Variants in XRCC6 observed in about 807,000 individuals in gnomAD.
XRCC6 encodes the protein X-ray repair cross complementing 6.
A neutral mutation model predicts 65.7 loss-of-function variants in XRCC6; 5 were observed. The observed-to-expected ratio is 0.08, with a 90% CI of 0.04 to 0.16. The LOEUF (loss-of-function observed/expected upper bound fraction) is 0.16, where lower values mean the gene tolerates loss of function less well. XRCC6 is among the 10% of genes least tolerant of loss of function. The pLI is 1.00. For missense variants in XRCC6, 447 were observed against 738.1 expected (o/e 0.61, Z 4.57); for synonymous variants, 270 against 270.6 (o/e 1.00, Z 0.02).
intron 3 of XRCC6, among the ~76,000 whole-genome samples, chr22:41,634,998 T>C (rs1010159433): frequency 5.3e-5 from 8 of 152,224 alleles, no homozygotes; most frequent in African/African-American, 1.9e-4. Flanking sequence ...TATTGACTTA[T>C]TTTCAGGTCA....
chr22:41,626,419 G>T (rs756240446), intron 2 of XRCC6, among the ~76,000 whole-genome samples: 22 of 152,154 alleles, frequency 1.4e-4, no homozygotes, highest in Non-Finnish European at 2.8e-4. Flanking sequence ...GGGATTACAG[G>T]CGTGAGCCAC....
intron 2 of XRCC6, among the ~76,000 whole-genome samples, chr22:41,625,869 GA>G (rs1418075339): frequency 6.6e-6 from 1 of 152,130 alleles, no homozygotes; most frequent in African/African-American, 2.4e-5. Context: ...ATTTGAGATG[GA>G]ATCTCTGTCG....
rs1555906700 is a variant in XRCC6 at position 41,649,139 on chromosome 22, AATATATATAT to A, written c.961-1569_961-1560del. Among the ~76,000 whole-genome samples the A allele has an allele frequency of 6.8e-5, 6 of 88,728 alleles. No individual in the cohort carries two copies. In the South Asian group the frequency reaches 2.2e-3, roughly 32 times the overall value. 58.2% of individuals were successfully genotyped at this position (88,728 alleles called of 152,430 possible). On this transcript the variant is annotated intron_variant, in intron 7 of 12. Coordinates refer to ENST00000360079, the MANE Select transcript of XRCC6 (RefSeq NM_001469.5). Reference sequence around the variant, plus strand: ...GGGAAGAGAGTACAAAAAAAAAAAAAATATATATATATATATATATATATGTATGTATGTG... The same window carrying A: ...GGGAAGAGAGTACAAAAAAAAAAAAAATATATATATATATGTATGTATGTG...
In XRCC6 at chr22:41,637,735, A is replaced by G. The variant is rs1481664381; in HGVS notation, c.717A>G (p.Leu239=). The change falls in exon 6 of 13, where the codon CTA becomes CTG. Residue 239 remains leucine, a synonymous_variant. Transcript: ENST00000360079. Reference sequence around the variant, plus strand: ...TTCACTTTGAGGAATCCAGCAAGCTAGAAGACCTGTTGCGGAAGGTTCGCG... The same window carrying G: ...TTCACTTTGAGGAATCCAGCAAGCTGGAAGACCTGTTGCGGAAGGTTCGCG... ...LRVHFEESSK[L]EDLLRKVRAK... 1 of 1,613,938 alleles carries G rather than the reference A, an allele frequency of 6.2e-7. No individual in the cohort carries two copies. The highest frequency in any genetic ancestry group is 1.6e-4 in the Middle Eastern group (1 of 6,078).
intron 6 of XRCC6, among the ~76,000 whole-genome samples, chr22:41,641,435 C>G (rs566383290): frequency 1.2e-4 from 18 of 152,256 alleles, no homozygotes; most frequent in African/African-American, 4.3e-4. Flanking sequence ...TATCTATCAC[C>G]TTAAGCACTA....
chr22:41,630,919 G>A (rs2067736301), intron 3 of XRCC6, among the ~76,000 whole-genome samples: 1 of 152,100 alleles, frequency 6.6e-6, no homozygotes, highest in Admixed American at 6.5e-5. Context: ...ACCTTTCCCC[G>A]CTTTCTATTC....
intron 5 of XRCC6, 26 bp downstream of exon 5, chr22:41,636,796 A>C (rs2067815029): frequency 6.3e-7 from 1 of 1,599,742 alleles, no homozygotes. Flanking sequence ...CGTTCTCTTA[A>C]ATTGGCACTT....
chr22:41,637,421 T>C (rs1242291627), intron 5 of XRCC6, among the ~76,000 whole-genome samples, 187 bp from the exon 6 acceptor site: 1 of 152,156 alleles, frequency 6.6e-6, no homozygotes, highest in Admixed American at 6.6e-5. Context: ...GAATGGTGAT[T>C]ATTTGAAAAG....
intron 7 of XRCC6, among the ~76,000 whole-genome samples, chr22:41,649,848 A>G (rs1171453918): frequency 6.2e-5 from 6 of 96,456 alleles, no homozygotes; most frequent in Non-Finnish European, 1.6e-4. Context: ...CAAAAAAAAA[A>G]ATAATAATAA....
intron 6 of XRCC6, among the ~76,000 whole-genome samples, chr22:41,642,523 G>C (rs1426034513): frequency 6.6e-6 from 1 of 152,148 alleles, no homozygotes; most frequent in African/African-American, 2.4e-5. Context: ...AGAAATCTTT[G>C]CCAAGCTCAA....
intron 8 of XRCC6, among the ~76,000 whole-genome samples, chr22:41,651,664 A>T (rs1373284688): frequency 6.6e-6 from 1 of 151,302 alleles, no homozygotes; most frequent in Non-Finnish European, 1.5e-5. Flanking sequence ...AGTAGCTGGG[A>T]TTACAGGCAC....
At chr22:41,625,710 ATC>A (rs1465442428) in intron 2 of XRCC6, among the ~76,000 whole-genome samples, 1 of 152,220 alleles carries the variant, frequency 6.6e-6, no homozygotes, top group Non-Finnish European at 1.5e-5. Flanking sequence ...CATGCCTGTA[ATC>A]CCAATACTTT....
intron 9 of XRCC6, among the ~76,000 whole-genome samples, chr22:41,656,453 GT>G (rs2068045700): frequency 6.6e-6 from 1 of 151,440 alleles, no homozygotes; most frequent in Non-Finnish European, 1.5e-5. Flanking sequence ...GGAGGCGGAG[GT>G]TGCAGCGAGC....
At chr22:41,648,969 C>T (rs1408965676) in intron 7 of XRCC6, among the ~76,000 whole-genome samples, 1 of 138,160 alleles carries the variant, frequency 7.2e-6, no homozygotes, top group Non-Finnish European at 1.5e-5. Context: ...ATACAAACAT[C>T]ATTGGGTATG....
chr22:41,651,626 C>A (rs866302882), intron 8 of XRCC6, among the ~76,000 whole-genome samples: 6 of 151,030 alleles, frequency 4.0e-5, no homozygotes, highest in Non-Finnish European at 7.4e-5. Context: ...CTCCCTGGTT[C>A]AAACGATTCT....
At chr22:41,641,245 A>G (rs1601541514) in intron 6 of XRCC6, among the ~76,000 whole-genome samples, 1 of 152,228 alleles carries the variant, frequency 6.6e-6, no homozygotes, top group Admixed American at 6.5e-5. Flanking sequence ...ATAATAATAA[A>G]TTGGAGATAT....
At chr22:41,651,964 A>C (rs747517135) in intron 8 of XRCC6, among the ~76,000 whole-genome samples, 5 of 151,888 alleles carry the variant, frequency 3.3e-5, no homozygotes, top group Non-Finnish European at 7.4e-5. Flanking sequence ...CTGTATTTTT[A>C]GTAGAGATGG....
At chr22:41,647,150 G>A (rs1041291547) in intron 7 of XRCC6, 68 bp downstream of exon 7, 53 of 1,540,718 alleles carry the variant, frequency 3.4e-5, no homozygotes, top group Non-Finnish European at 4.7e-5. Flanking sequence ...CCAGGCTGGA[G>A]TGCAGTGGGG....
intron 3 of XRCC6, among the ~76,000 whole-genome samples, chr22:41,632,661 C>CA (rs920550555): frequency 1.0e-3 from 148 of 147,776 alleles, no homozygotes; most frequent in African/African-American, 3.3e-3. Context: ...TATCTTGCAC[C>CA]AAAAAAAAAG....
Sources: gnomAD v4.1 joint callset for allele counts (sites outside exome capture counted in the v4.1 genomes callset) on GRCh38, gnomAD v4.1.1 for gene constraint, MANE v1.5 for transcripts, NCBI Gene and HGNC (gene_info 2026-07-23, HGNC 2026-07-21) for gene names.